DST: variants seen among roughly 807,000 people sequenced by gnomAD.
The protein encoded by DST is bullous pemphigoid antigen.
Under a neutral mutation model 875.2 loss-of-function variants are expected in DST, and 253 were observed. That is an observed-to-expected ratio of 0.29 (90% CI 0.26 to 0.32). The LOEUF (loss-of-function observed/expected upper bound fraction) is 0.32, where lower values mean the gene tolerates loss of function less well. DST is among the 10% of genes least tolerant of loss of function. DST has a pLI of 1.00. For synonymous variants in DST, 3,124 were observed against 3,197.1 expected, an observed-to-expected ratio of 0.98 and a Z score of 0.77; for missense variants, 8,287 against 9,111.6, an observed-to-expected ratio of 0.91 and a Z score of 3.68.
At chr6:56,843,457 C>A in intron 4 of DST, 1 of 1,008,958 alleles carries the variant, frequency 9.9e-7, no homozygotes, top group Non-Finnish European at 1.2e-6. Context: ...AGCAGCGCCA[C>A]GCCAAGCGGA....
chr6:56,884,518 G>A (rs1184565561), intron 3 of DST, among the ~76,000 whole-genome samples: 3 of 152,154 alleles, frequency 2.0e-5, no homozygotes, highest in Non-Finnish European at 4.4e-5. Flanking sequence ...ACGCATATGT[G>A]TGGTTGTCTC....
chr6:56,701,975 GAA>G lies in DST; in HGVS notation c.877-12_877-11del. ...GACCTTTTTCTCTGGGCTAAGAACA[GAA>G]AAATGCAGGTATGAAAAAGAGTTTC... On this transcript the variant is annotated splice_polypyrimidine_tract_variant and intron_variant, in intron 7 of 103. Transcript: ENST00000680361. The G allele has an allele frequency of 1.9e-6, 3 of 1,570,320 alleles. No homozygotes were observed. The highest frequency in any genetic ancestry group is 1.7e-5 in the Admixed American group (1 of 58,772).
At position 56,741,372 on chromosome 6, in the gene DST, T is replaced by C. The variant is rs114848799; in HGVS notation, c.626-6083A>G. Reference sequence around the variant, plus strand: ...TAAATAACACACATAATTCATAAATTCTGATACTGTTTTCTAACAGGAACA... The same window carrying C: ...TAAATAACACACATAATTCATAAATCCTGATACTGTTTTCTAACAGGAACA... On this transcript the variant is annotated intron_variant, in intron 4 of 103. Coordinates refer to ENST00000680361, the MANE Select transcript of DST (RefSeq NM_001374736.1). 6.5e-3 allele frequency among the ~76,000 whole-genome samples: 983 copies of C among 152,350 alleles called. 12 individuals carry two copies. Among genetic ancestry groups the C allele is most frequent in the African/African-American group, 0.023 (953 of 41,586 alleles).
At chr6:56,603,138 C>T in intron 42 of DST, 67 bp downstream of exon 42, 2 of 1,549,924 alleles carry the variant, frequency 1.3e-6, no homozygotes, top group African/African-American at 1.4e-5. Context: ...AATACTCCAG[C>T]TTATGACTAA....
At chr6:56,602,795 T>C (rs1226179335) in intron 43 of DST, 87 bp downstream of exon 43, 3 of 1,041,422 alleles carry the variant, frequency 2.9e-6, no homozygotes, top group Non-Finnish European at 2.6e-6. Context: ...TTTGTAGCCT[T>C]AGCAAAGTCA....
In DST at chr6:56,607,583, G is replaced by A. The variant is rs2098509730; in HGVS notation, c.7045C>T (p.Gln2349Ter). The change falls in exon 40 of 104, where the codon CAG becomes TAG. Residue 2349 changes from glutamine to a stop codon, truncating the protein, a stop_gained. Coordinates refer to ENST00000680361, the MANE Select transcript of DST (RefSeq NM_001374736.1). LOFTEE classifies it high-confidence loss of function. ...CVPSLISYLTQTELADISMLR... is the reference protein window; with the variant it reads ...CVPSLISYLT ...ATGCTAATGTCTGCAAGTTCAGTCTGTGTTAAATATGATATGAGACTGGGA... is the reference window on the plus strand; with the variant it reads ...ATGCTAATGTCTGCAAGTTCAGTCTATGTTAAATATGATATGAGACTGGGA... The A allele has an allele frequency of 6.2e-7, 1 of 1,612,588 alleles. No homozygotes were observed. The highest frequency in any genetic ancestry group is 1.3e-5 in the African/African-American group (1 of 74,890).
At position 56,527,526 on chromosome 6, in the gene DST, T is replaced by A. The variant is rs1326027248; in HGVS notation, c.17889A>T (p.Gly5963=). The change falls in exon 68 of 104, where the codon GGA becomes GGT. Residue 5963 remains glycine (G), a synonymous_variant. Transcript: ENST00000680361. Reference sequence around the variant, plus strand: ...TCATTTGTGCTTGACTTGCTTCTTCTCCTTTCAGAACCTGAGTTTCATATG... The same window carrying A: ...TCATTTGTGCTTGACTTGCTTCTTCACCTTTCAGAACCTGAGTTTCATATG... ...LLSYETQVLK[G]EEASQAQMRP... 3.1e-6 allele frequency: 5 copies of A among 1,613,588 alleles called. No homozygotes were observed. In the African/African-American group the frequency reaches 4.0e-5, roughly 13 times the overall value.
intron 4 of DST, among the ~76,000 whole-genome samples, chr6:56,761,805 C>T (rs2099617848): frequency 6.6e-6 from 1 of 151,980 alleles, no homozygotes; most frequent in African/African-American, 2.4e-5. Context: ...TACTTCAAGT[C>T]AAAAAAGAAG....
chr6:56,727,698 T>A (rs1589267348), intron 5 of DST, among the ~76,000 whole-genome samples: 2 of 151,966 alleles, frequency 1.3e-5, no homozygotes, highest in Non-Finnish European at 2.9e-5. Flanking sequence ...CAAGATAGAG[T>A]ATATGAGGGA....
intron 9 of DST, among the ~76,000 whole-genome samples, chr6:56,689,491 C>T (rs2099212823): frequency 6.6e-6 from 1 of 152,154 alleles, no homozygotes; most frequent in Non-Finnish European, 1.5e-5. Context: ...GTGCCTAAAA[C>T]ATATACAATA....
chr6:56,803,167 A>T (rs909410736), intron 4 of DST, among the ~76,000 whole-genome samples: 4 of 152,192 alleles, frequency 2.6e-5, no homozygotes, highest in African/African-American at 9.7e-5. Flanking sequence ...ATCTTAGGTT[A>T]ACTGGCAGAA....
chr6:56,493,469 A>G (rs2095814901), intron 83 of DST, among the ~76,000 whole-genome samples: 1 of 152,194 alleles, frequency 6.6e-6, no homozygotes. Context: ...GTGATGGCAT[A>G]TAATCTTGTA....
At chr6:56,618,760 C>G (rs578062450) in intron 36 of DST, 4 of 1,614,004 alleles carry the variant, frequency 2.5e-6, no homozygotes, top group East Asian at 2.2e-5. Flanking sequence ...TTAATTTTTC[C>G]ATCTTCTTCC....
At chr6:56,877,385 C>A (rs1408831217) in intron 3 of DST, among the ~76,000 whole-genome samples, 5 of 152,140 alleles carry the variant, frequency 3.3e-5, no homozygotes, top group African/African-American at 1.2e-4. Flanking sequence ...GAAACCCTGT[C>A]TCTACTAAAA....
In DST at chr6:56,607,723, T is replaced by C; in HGVS notation, c.6905A>G (p.Glu2302Gly). The C allele has an allele frequency of 6.2e-7, 1 of 1,613,524 alleles. No homozygotes were observed. Among genetic ancestry groups the C allele is most frequent in the Non-Finnish European group, 8.5e-7 (1 of 1,179,692 alleles). ...TPENRKCAID[E>G]EFNEMRNTVI... ...AGTATTTCTCATTTCATTAAATTCTTCATCTATAGCACACTTTCTATTTTC... is the reference window on the plus strand; with the variant it reads ...AGTATTTCTCATTTCATTAAATTCTCCATCTATAGCACACTTTCTATTTTC... Residue 2302 changes from glutamate to glycine, a missense_variant, in exon 40 of 104, where the codon GAA becomes GGA. Coordinates refer to ENST00000680361, the MANE Select transcript of DST (RefSeq NM_001374736.1).
chr6:56,473,507 C>T (rs1371804174), intron 93 of DST, among the ~76,000 whole-genome samples: 1 of 152,072 alleles, frequency 6.6e-6, no homozygotes, highest in Admixed American at 6.6e-5. Context: ...TGAAGATTAT[C>T]CACGTCATGG....
At chr6:56,750,101 T>C (rs2099583100) in intron 4 of DST, among the ~76,000 whole-genome samples, 1 of 152,156 alleles carries the variant, frequency 6.6e-6, no homozygotes, top group South Asian at 2.1e-4. Flanking sequence ...GTGTGTGGGG[T>C]GCCCGCAGAC....
chr6:56,583,157 T>C (rs1585577452), intron 49 of DST, among the ~76,000 whole-genome samples: 1 of 152,264 alleles, frequency 6.6e-6, no homozygotes, highest in South Asian at 2.1e-4. Flanking sequence ...TCTAGATCCC[T>C]GAGGAATTGC....
intron 5 of DST, among the ~76,000 whole-genome samples, chr6:56,730,935 AC>A (rs1321879209): frequency 6.6e-6 from 1 of 152,240 alleles, no homozygotes; most frequent in African/African-American, 2.4e-5. Flanking sequence ...CTGCTCACCA[AC>A]AAATACAAGT....
Sources: gnomAD v4.1 joint callset for allele counts (sites outside exome capture counted in the v4.1 genomes callset) on GRCh38, gnomAD v4.1.1 for gene constraint, MANE v1.5 for transcripts, NCBI Gene and HGNC (gene_info 2026-07-23, HGNC 2026-07-21) for gene names.